Variants in SMOC2 observed in about 807,000 individuals in gnomAD.
The protein encoded by SMOC2 is SPARC-related modular calcium-binding protein 2.
Under a neutral mutation model 61.4 loss-of-function variants are expected in SMOC2, and 39 were observed. The observed-to-expected ratio is 0.64, with a 90% CI of 0.49 to 0.83. SMOC2 has a LOEUF of 0.83. SMOC2 is among the 40% of genes least tolerant of loss of function. The probability of loss-of-function intolerance (pLI) is 0.00; values close to 1 mark genes in which losing one functional copy is unlikely to be tolerated. For missense variants in SMOC2, 556 were observed against 592.9 expected, an observed-to-expected ratio of 0.94 and a Z score of 0.65; for synonymous variants, 247 against 239.9, an observed-to-expected ratio of 1.03 and a Z score of -0.27.
At chr6:168,490,477 C>T (rs1292380867) in intron 1 of SMOC2, among the ~76,000 whole-genome samples, 1 of 152,168 alleles carries the variant, frequency 6.6e-6, no homozygotes, top group Non-Finnish European at 1.5e-5. Context: ...CTCTCACTCA[C>T]CCCTTGATGG....
chr6:168,560,369 AAACACAG>A (rs1199047403), intron 7 of SMOC2, among the ~76,000 whole-genome samples: 1 of 152,274 alleles, frequency 6.6e-6, no homozygotes, highest in African/African-American at 2.4e-5. Flanking sequence ...GTCTGCATCA[AAACACAG>A]AACATTTAAG....
At chr6:168,501,253 T>G (rs1782721841) in intron 1 of SMOC2, among the ~76,000 whole-genome samples, 1 of 152,176 alleles carries the variant, frequency 6.6e-6, no homozygotes, top group Admixed American at 6.5e-5. Flanking sequence ...TCTTAAATTA[T>G]CTCAAAAATT....
At chr6:168,616,198 G>A (rs1329674375) in intron 9 of SMOC2, among the ~76,000 whole-genome samples, 2 of 152,184 alleles carry the variant, frequency 1.3e-5, no homozygotes, top group Non-Finnish European at 2.9e-5. Context: ...TTACAGACAC[G>A]AGTCTTCTAA....
At chr6:168,518,817 TTA>T (rs1047970887) in intron 2 of SMOC2, among the ~76,000 whole-genome samples, 7 of 149,694 alleles carry the variant, frequency 4.7e-5, no homozygotes, top group South Asian at 2.1e-4. Flanking sequence ...GAATGCATGT[TTA>T]TGTGAGTGCA....
chr6:168,618,086 A>G (rs1486060864), intron 9 of SMOC2, among the ~76,000 whole-genome samples: 1 of 152,244 alleles, frequency 6.6e-6, no homozygotes, highest in Non-Finnish European at 1.5e-5. Context: ...TATTAGCCGC[A>G]AGGCTGCCTG....
intron 11 of SMOC2, among the ~76,000 whole-genome samples, chr6:168,659,555 GATGGAGGTT>G (rs1313856518): frequency 1.3e-5 from 2 of 151,810 alleles, no homozygotes; most frequent in Non-Finnish European, 1.5e-5. Context: ...GCTGGGTGAG[GATGGAGGTT>G]GTAGGTTGAG....
In SMOC2 at chr6:168,451,982, A is replaced by G. The variant is rs377377056; in HGVS notation, c.84+10528A>G. Reference sequence around the variant, plus strand: ...TGTCCTTTTTTGGAAGAGGTGGAAGAGGTTGTCTCCCAGGTTCCCTGGTTC... The same window carrying G: ...TGTCCTTTTTTGGAAGAGGTGGAAGGGGTTGTCTCCCAGGTTCCCTGGTTC... On this transcript the variant is annotated intron_variant, in intron 1 of 12. Coordinates refer to ENST00000356284, the MANE Select transcript of SMOC2 (RefSeq NM_001166412.2). Among the ~76,000 whole-genome samples, 8 of 152,316 alleles carry G rather than the reference A, an allele frequency of 5.3e-5. No individual in the cohort carries two copies. In the East Asian group the frequency reaches 1.5e-3, roughly 29 times the overall value.
chr6:168,519,211 G>T (rs113732959), intron 2 of SMOC2, among the ~76,000 whole-genome samples: 1 of 136,154 alleles, frequency 7.3e-6, no homozygotes, highest in Non-Finnish European at 1.7e-5. Context: ...GTATGCATGC[G>T]TGTGTGAGAG....
At chr6:168,503,648 G>C (rs1475190752) in intron 1 of SMOC2, among the ~76,000 whole-genome samples, 1 of 152,136 alleles carries the variant, frequency 6.6e-6, no homozygotes, top group Non-Finnish European at 1.5e-5. Context: ...GTCAGAGATT[G>C]CACGGGTGGA....
At chr6:168,661,831 A>G (rs1280120080) in intron 11 of SMOC2, among the ~76,000 whole-genome samples, 1 of 152,166 alleles carries the variant, frequency 6.6e-6, no homozygotes, top group Non-Finnish European at 1.5e-5. Flanking sequence ...AAAAGCCTAT[A>G]TTTTTTCCTG....
At chr6:168,574,127 T>C (rs1413857213) in intron 7 of SMOC2, among the ~76,000 whole-genome samples, 5 of 152,268 alleles carry the variant, frequency 3.3e-5, no homozygotes, top group African/African-American at 9.6e-5. Context: ...TCCCTGCACA[T>C]GTGATCTCTG....
chr6:168,530,808 C>T (rs940628014), intron 4 of SMOC2, among the ~76,000 whole-genome samples: 6 of 152,224 alleles, frequency 3.9e-5, no homozygotes, highest in Admixed American at 2.6e-4. Flanking sequence ...TCTTCCATTC[C>T]GGGAGGAAAC....
chr6:168,458,253 G>A (rs1023483882), intron 1 of SMOC2, among the ~76,000 whole-genome samples: 3 of 151,942 alleles, frequency 2.0e-5, no homozygotes, highest in African/African-American at 7.3e-5. Context: ...CTGCCCCTCC[G>A]GGGGCATCGT....
At chr6:168,589,105 TAAG>T (rs1269719868) in intron 7 of SMOC2, among the ~76,000 whole-genome samples, 15 of 129,466 alleles carry the variant, frequency 1.2e-4, no homozygotes, top group Non-Finnish European at 2.1e-4. Flanking sequence ...AAGGAGTAAA[TAAG>T]AAGATGGGAG....
chr6:168,607,363 G>T (rs1398668038), intron 8 of SMOC2, among the ~76,000 whole-genome samples: 2 of 152,174 alleles, frequency 1.3e-5, no homozygotes, highest in African/African-American at 4.8e-5. Flanking sequence ...TGAATGGCAT[G>T]CATATGGCAG....
intron 8 of SMOC2, among the ~76,000 whole-genome samples, chr6:168,607,425 C>G (rs917542489): frequency 2.6e-5 from 4 of 152,162 alleles, no homozygotes; most frequent in African/African-American, 4.8e-5. Context: ...GGGACAGGCA[C>G]CCTGGTTCCC....
intron 8 of SMOC2, among the ~76,000 whole-genome samples, chr6:168,604,348 G>C (rs1785632885): frequency 6.6e-6 from 1 of 152,024 alleles, no homozygotes; most frequent in Non-Finnish European, 1.5e-5. Flanking sequence ...AAATTGAGTT[G>C]GTTTACACTG....
chr6:168,631,554 T>C (rs1786570065), intron 9 of SMOC2, among the ~76,000 whole-genome samples: 1 of 152,202 alleles, frequency 6.6e-6, no homozygotes. Context: ...GCTGCAGACA[T>C]GAAAACTTAA....
intron 7 of SMOC2, among the ~76,000 whole-genome samples, chr6:168,550,965 G>A (rs774641128): frequency 3.9e-5 from 6 of 152,164 alleles, no homozygotes; most frequent in Admixed American, 6.5e-5. Flanking sequence ...ATGGTTGGGC[G>A]TTGTGTCCCC....
Sources: gnomAD v4.1 joint callset for allele counts (sites outside exome capture counted in the v4.1 genomes callset) on GRCh38, gnomAD v4.1.1 for gene constraint, MANE v1.5 for transcripts, NCBI Gene and HGNC (gene_info 2026-07-23, HGNC 2026-07-21) for gene names.